Variants in ZZEF1 observed in about 807,000 individuals in gnomAD.
ZZEF1 encodes zinc finger ZZ-type and EF-hand domain-containing protein 1.
A neutral mutation model predicts 342.8 loss-of-function variants in ZZEF1; 157 were observed. That is an observed-to-expected ratio of 0.46 (90% CI 0.40 to 0.52). The LOEUF (loss-of-function observed/expected upper bound fraction) is 0.52. Among genes scored for constraint, ZZEF1 ranks in the 20% least tolerant of loss-of-function variants. The pLI, the probability that ZZEF1 is intolerant of heterozygous loss-of-function variation, is 0.00. For synonymous variants in ZZEF1, 1,505 were observed against 1,429.1 expected (o/e 1.05, Z -1.20); for missense variants, 3,480 against 3,725.6 (o/e 0.93, Z 1.72).
intron 33 of ZZEF1, 101 bp from the exon 34 acceptor site, chr17:4,054,296 C>A: frequency 7.6e-7 from 1 of 1,318,822 alleles, no homozygotes; most frequent in Non-Finnish European, 1.1e-6. Flanking sequence ...ATGTTCCAGG[C>A]ATTGTACTAA....
intron 51 of ZZEF1, 40 bp from the exon 52 acceptor site, chr17:4,013,654 A>G: frequency 6.4e-7 from 1 of 1,567,324 alleles, no homozygotes; most frequent in Non-Finnish European, 8.7e-7. Flanking sequence ...AAACAGAGAT[A>G]CGTAATAAGT....
intron 34 of ZZEF1, 129 bp downstream of exon 34, chr17:4,053,928 G>C: frequency 9.5e-7 from 1 of 1,047,390 alleles, no homozygotes; most frequent in South Asian, 1.8e-5. Context: ...TGTTCGCCAA[G>C]AAGTCAGAGA....
intron 9 of ZZEF1, among the ~76,000 whole-genome samples, chr17:4,097,829 C>A (rs1474414355): frequency 1.3e-5 from 2 of 151,210 alleles, no homozygotes; most frequent in Non-Finnish European, 2.9e-5. Flanking sequence ...GGCACAGTAG[C>A]TCATGCCTGT....
At chr17:4,010,916 C>A (rs933292663) in intron 52 of ZZEF1, among the ~76,000 whole-genome samples, 1 of 151,856 alleles carries the variant, frequency 6.6e-6, no homozygotes, top group Non-Finnish European at 1.5e-5. Flanking sequence ...ATGCTCACTG[C>A]TTTTATAAAC....
At chr17:4,011,223 G>A (rs767730089) in intron 52 of ZZEF1, among the ~76,000 whole-genome samples, 11 of 152,012 alleles carry the variant, frequency 7.2e-5, no homozygotes, top group Non-Finnish European at 1.0e-4. Context: ...GCAACATGGC[G>A]AAACCCCATC....
intron 31 of ZZEF1, 60 bp downstream of exon 31, chr17:4,059,111 C>G: frequency 1.4e-6 from 2 of 1,412,772 alleles, no homozygotes; most frequent in Non-Finnish European, 1.9e-6. Context: ...ACATATATTT[C>G]TTTTATAATC....
chr17:4,098,045 C>A (rs993098153), intron 9 of ZZEF1, among the ~76,000 whole-genome samples: 1 of 151,774 alleles, frequency 6.6e-6, no homozygotes, highest in South Asian at 2.1e-4. Flanking sequence ...CGAGACGAGC[C>A]TGGCCAACAT....
At chr17:4,118,629 T>C (rs1341528032) in intron 2 of ZZEF1, among the ~76,000 whole-genome samples, 2 of 152,188 alleles carry the variant, frequency 1.3e-5, no homozygotes. Context: ...ACTGGATAAA[T>C]GGGCCAGAGC....
intron 4 of ZZEF1, among the ~76,000 whole-genome samples, chr17:4,113,621 T>C (rs1247320961): frequency 2.0e-5 from 3 of 150,516 alleles, no homozygotes; most frequent in East Asian, 1.9e-4. Flanking sequence ...ACAGAGATCA[T>C]GCCACTGCAC....
At chr17:4,125,817 C>T (rs1452993273) in intron 1 of ZZEF1, among the ~76,000 whole-genome samples, 2 of 152,160 alleles carry the variant, frequency 1.3e-5, no homozygotes, top group Non-Finnish European at 2.9e-5. Context: ...GTCACACAGT[C>T]CTGATGAGCT....
intron 12 of ZZEF1, 45 bp downstream of exon 12, chr17:4,090,674 C>T: frequency 6.7e-7 from 1 of 1,497,870 alleles, no homozygotes; most frequent in East Asian, 2.3e-5. Context: ...TCAAAAAACA[C>T]AGAATAAAAG....
intron 39 of ZZEF1, among the ~76,000 whole-genome samples, chr17:4,036,170 T>C (rs761891291): frequency 4.6e-5 from 7 of 151,392 alleles, no homozygotes; most frequent in African/African-American, 7.3e-5. Context: ...CAGTAGGTAA[T>C]TATACGAAGG....
At chr17:4,032,103 A>C in intron 42 of ZZEF1, 23 bp downstream of exon 42, 1 of 1,600,304 alleles carries the variant, frequency 6.2e-7, no homozygotes, top group South Asian at 1.1e-5. Context: ...CCATTCTTAG[A>C]AAAAAATAAT....
intron 33 of ZZEF1, among the ~76,000 whole-genome samples, chr17:4,054,696 A>G (rs1297954671): frequency 5.3e-5 from 8 of 152,230 alleles, no homozygotes; most frequent in African/African-American, 7.2e-5. Context: ...AGGGCCTTGC[A>G]TATCAGTCTT....
rs990785112 is a variant in ZZEF1, at chr17:4,104,533, A to C, written c.1573+100T>G. ...AATCATGGTGTAACTATAACAACCC[A>C]AAAAGATGAGAAGATACCAGGAGGT... On this transcript the variant is annotated intron_variant, in intron 8 of 54. Transcript: ENST00000381638. The C allele has an allele frequency of 3.7e-6, 5 of 1,353,916 alleles. No individual in the cohort carries two copies. In the African/African-American group the frequency reaches 7.3e-5, roughly 20 times the overall value. The allele number at this position is 1,353,916 out of a possible 1,614,324, so 83.9% of individuals were successfully genotyped here.
chr17:4,100,354 C>A (rs962538959), intron 9 of ZZEF1, among the ~76,000 whole-genome samples: 2 of 152,144 alleles, frequency 1.3e-5, no homozygotes, highest in Non-Finnish European at 2.9e-5. Flanking sequence ...ACCCAGTGCT[C>A]CCCACACCCA....
intron 1 of ZZEF1, among the ~76,000 whole-genome samples, chr17:4,140,989 A>AC (rs1434841394): frequency 9.2e-5 from 14 of 151,442 alleles, no homozygotes; most frequent in African/African-American, 3.4e-4. Context: ...GCTCACTGCA[A>AC]CCTCCGCCTC....
intron 33 of ZZEF1, 31 bp from the exon 34 acceptor site, chr17:4,054,226 T>C (rs756488195): frequency 2.1e-5 from 33 of 1,594,652 alleles, no homozygotes; most frequent in Non-Finnish European, 2.7e-5. Context: ...AATTAACTGA[T>C]AGATTTTCTA....
chr17:4,054,238 G>A, intron 33 of ZZEF1, 43 bp from the exon 34 acceptor site: 1 of 1,587,332 alleles, frequency 6.3e-7, no homozygotes, highest in Non-Finnish European at 8.6e-7. Flanking sequence ...GATTTTCTAA[G>A]GTGGCCACAA....
Sources: allele counts gnomAD v4.1 joint callset (sites outside exome capture counted in the v4.1 genomes callset), GRCh38; gene constraint gnomAD v4.1.1; transcripts MANE v1.5; gene names NCBI Gene and HGNC (gene_info 2026-07-23, HGNC 2026-07-21).